Variants in ANO4 observed in about 807,000 individuals in gnomAD.
The protein encoded by ANO4 is anoctamin-4.
A neutral mutation model predicts 141.9 loss-of-function variants in ANO4; 69 were observed. The observed-to-expected ratio is 0.49, with a 90% CI of 0.40 to 0.59. The LOEUF is 0.59. Ranked by LOEUF, ANO4 falls within the 20% of genes least tolerant of loss-of-function variation. The probability of loss-of-function intolerance (pLI) is 0.00; values close to 1 mark genes in which losing one functional copy is unlikely to be tolerated. For synonymous variants in ANO4, 350 were observed against 394.3 expected, an observed-to-expected ratio of 0.89 and a Z score of 1.33; for missense variants, 894 against 1,162.2, an observed-to-expected ratio of 0.77 and a Z score of 3.36.
rs1415360235 is a variant in ANO4, at chr12:101,048,475, T to C, written c.1312+74T>C. The C allele has an allele frequency of 4.8e-5, 65 of 1,368,000 alleles. No individual in the cohort carries two copies. The East Asian group carries it at 6.3e-4, about 13-fold the overall frequency. The allele number at this position is 1,368,000 out of a possible 1,614,324, so 84.7% of individuals were successfully genotyped here. A position where few individuals can be genotyped will look rare whatever the true frequency, so the allele number is the denominator to read the frequency against. ...GATATATTCCTTTAGAAGTTTCACT[T>C]TGGATGTGAAAGAAAGAAGCTTGAG... is the stretch of plus-strand genomic sequence containing the variant. On this transcript the variant is annotated intron_variant, in intron 14 of 27. Coordinates refer to ENST00000392977, the MANE Select transcript of ANO4 (RefSeq NM_001286615.2).
chr12:100,986,801 G>C (rs2044727428), intron 7 of ANO4, among the ~76,000 whole-genome samples: 1 of 152,198 alleles, frequency 6.6e-6, no homozygotes, highest in African/African-American at 2.4e-5. Flanking sequence ...TTGGAAGCCA[G>C]ATGTTTTCAT....
chr12:100,812,852 A>G (rs7956236), intron 1 of ANO4, among the ~76,000 whole-genome samples: 26,738 of 152,234 alleles, frequency 0.18, 2,586 homozygotes, highest in Admixed American at 0.28. Context: ...TGTTAATAGC[A>G]TTGCCTCAAG....
chr12:101,028,344 T>C (rs1253282072), intron 9 of ANO4, among the ~76,000 whole-genome samples: 1 of 152,072 alleles, frequency 6.6e-6, no homozygotes, highest in African/African-American at 2.4e-5. Context: ...CAAATTGACA[T>C]AAGTAGGCTT....
At chr12:101,016,568 T>G (rs1357440112) in intron 8 of ANO4, among the ~76,000 whole-genome samples, 1 of 152,142 alleles carries the variant, frequency 6.6e-6, no homozygotes, top group Non-Finnish European at 1.5e-5. Flanking sequence ...CCACCAACAT[T>G]AGCTAGTGTT....
chr12:100,981,789 G>T (rs1387399519), intron 7 of ANO4, among the ~76,000 whole-genome samples: 1 of 152,152 alleles, frequency 6.6e-6, no homozygotes, highest in East Asian at 1.9e-4. Context: ...ATTGTAGGCA[G>T]TTTATAAAGG....
At chr12:100,744,998 T>C (rs1422161032) in intron 3 of ANO4, among the ~76,000 whole-genome samples, 1 of 151,970 alleles carries the variant, frequency 6.6e-6, no homozygotes, top group Non-Finnish European at 1.5e-5. Flanking sequence ...CTCCCACCTT[T>C]TCTTCCTCTT....
At position 100,966,884 on chromosome 12, in the gene ANO4, TACACACAC is replaced by T. The variant is rs139462317; in HGVS notation, c.457-4408_457-4401del. ...ATGTATATATATATACACACACACA[TACACACAC>T]ACACACACACACATACATATATATA... On this transcript the variant is annotated intron_variant, in intron 5 of 27. Transcript: ENST00000392977. 7.7e-4 allele frequency among the ~76,000 whole-genome samples: 114 copies of T among 147,576 alleles called. 1 individual carries two copies. Among genetic ancestry groups the T allele is most frequent in the African/African-American group, 2.8e-3 (111 of 40,146 alleles).
intron 21 of ANO4, among the ~76,000 whole-genome samples, 156 bp downstream of exon 21, chr12:101,098,101 A>G (rs1438872075): frequency 6.6e-6 from 1 of 152,228 alleles, no homozygotes; most frequent in Non-Finnish European, 1.5e-5. Flanking sequence ...GGCAGCCATG[A>G]AAATCATAAA....
At chr12:101,094,142 T>C in intron 17 of ANO4, 114 bp from the exon 18 acceptor site, 5 of 791,254 alleles carry the variant, frequency 6.3e-6, no homozygotes, top group African/African-American at 1.7e-5. Flanking sequence ...GGTTGAGCAA[T>C]GGATGCTTAA....
chr12:100,753,011 T>C (rs1311644046), intron 3 of ANO4, among the ~76,000 whole-genome samples: 1 of 152,056 alleles, frequency 6.6e-6, no homozygotes. Flanking sequence ...ATGGGAGCAA[T>C]TGGGATGACT....
intron 14 of ANO4, among the ~76,000 whole-genome samples, chr12:101,059,566 G>A (rs542505558): frequency 5.2e-4 from 78 of 150,904 alleles, no homozygotes; most frequent in Non-Finnish European, 8.8e-4. Flanking sequence ...TCAGGGGTTC[G>A]ACATCTTCCT....
chr12:100,979,926 G>A (rs970282252), intron 7 of ANO4, among the ~76,000 whole-genome samples: 7 of 112,122 alleles, frequency 6.2e-5, no homozygotes, highest in Admixed American at 9.5e-5. Flanking sequence ...ATTTTTAGTA[G>A]AGGCAGGGTT....
intron 3 of ANO4, among the ~76,000 whole-genome samples, chr12:100,935,996 G>T (rs189728678): frequency 6.6e-6 from 1 of 152,192 alleles, no homozygotes; most frequent in East Asian, 1.9e-4. Context: ...CTGACCACGG[G>T]TTCAGCTGGA....
intron 22 of ANO4, among the ~76,000 whole-genome samples, chr12:101,101,893 G>A (rs1366190449): frequency 1.3e-5 from 2 of 152,064 alleles, no homozygotes; most frequent in Non-Finnish European, 2.9e-5. Flanking sequence ...GACCAGCCTG[G>A]CCAATGTGGT....
chr12:100,939,936 T>A (rs1247439098), intron 4 of ANO4, among the ~76,000 whole-genome samples: 1 of 152,216 alleles, frequency 6.6e-6, no homozygotes, highest in African/African-American at 2.4e-5. Context: ...AAATTAGTAT[T>A]TTTTTTGGAG....
At chr12:100,846,933 C>G (rs1032363132) in intron 1 of ANO4, among the ~76,000 whole-genome samples, 1 of 68,784 alleles carries the variant, frequency 1.5e-5, no homozygotes, top group Non-Finnish European at 2.7e-5. Context: ...TCCTCCTCTT[C>G]TTTCCTTCCA....
In ANO4 at chr12:100,766,174, T is replaced by C. The variant is rs188738802; in HGVS notation, c.358+26069T>C. Among the ~76,000 whole-genome samples, 113 of 152,264 alleles carry C rather than the reference T, an allele frequency of 7.4e-4. 1 individual carries two copies. The highest frequency in any genetic ancestry group is 6.8e-3 in the Middle Eastern group (2 of 294). The stretch of plus-strand genomic sequence containing the variant: ...CCTAGCATTCTGTCCTCCAGGTTCA[T>C]CCAGGTTGTTGCAAATGATAGAATT... On this transcript the variant is annotated intron_variant, in intron 3 of 29. Coordinates refer to the ANO4 transcript ENST00000644049.
intron 1 of ANO4, among the ~76,000 whole-genome samples, chr12:100,891,257 A>G (rs2040091224): frequency 6.6e-6 from 1 of 152,208 alleles, no homozygotes; most frequent in Non-Finnish European, 1.5e-5. Flanking sequence ...AGTTTTGGCA[A>G]TTATGAATAA....
chr12:101,055,663 GT>G (rs971476454), intron 14 of ANO4, among the ~76,000 whole-genome samples: 3 of 151,826 alleles, frequency 2.0e-5, no homozygotes, highest in African/African-American at 7.3e-5. Context: ...AAAACCAAGA[GT>G]TTTTTCTTTT....
Sources: allele counts gnomAD v4.1 joint callset (sites outside exome capture counted in the v4.1 genomes callset), GRCh38; gene constraint gnomAD v4.1.1; transcripts MANE v1.5; gene names NCBI Gene and HGNC (gene_info 2026-07-23, HGNC 2026-07-21).